PCDHGA1: variants seen among roughly 807,000 people sequenced by gnomAD.
The protein encoded by PCDHGA1 is protocadherin gamma-A1.
In PCDHGA1, 32 loss-of-function variants were observed where a neutral mutation model predicts 58.0. That is an observed-to-expected ratio of 0.55 (90% CI 0.42 to 0.74). The LOEUF (loss-of-function observed/expected upper bound fraction) is 0.74, where lower values mean the gene tolerates loss of function less well. Among genes scored for constraint, PCDHGA1 ranks in the 30% least tolerant of loss-of-function variants. The pLI is 0.00. For synonymous variants in PCDHGA1, 498 were observed against 501.1 expected (o/e 0.99, Z 0.08); for missense variants, 1,205 against 1,182.3 (o/e 1.02, Z -0.28).
At chr5:141,437,249 T>G (rs2097870737) in intron 1 of PCDHGA1, among the ~76,000 whole-genome samples, 1 of 152,240 alleles carries the variant, frequency 6.6e-6, no homozygotes, top group African/African-American at 2.4e-5. Context: ...GGACTTTCCT[T>G]GTCTTTTTAT....
At chr5:141,428,275 G>C in intron 1 of PCDHGA1, 1 of 767,218 alleles carries the variant, frequency 1.3e-6, no homozygotes, top group Non-Finnish European at 2.2e-6. Context: ...TGTGCCCTCT[G>C]ATTCCCAAGC....
Position 141,423,433 on chromosome 5 carries a change from A to G in PCDHGA1, c.2422-71374A>G, listed in dbSNP as rs746170494. ...GGCTTCTGAAGGCGGGTTGGCAGGT[A>G]TGCCCACGTCACATTTTGTAGGCGT... On this transcript the variant is annotated intron_variant, in intron 1 of 3. Coordinates refer to ENST00000517417, the MANE Select transcript of PCDHGA1 (RefSeq NM_018912.3). 3.1e-6 allele frequency: 5 copies of G among 1,614,010 alleles called. No homozygotes were observed. The East Asian group carries it at 8.9e-5, about 29-fold the overall frequency.
chr5:141,399,431 T>C (rs757950073), intron 1 of PCDHGA1: 1 of 1,613,970 alleles, frequency 6.2e-7, no homozygotes, highest in Non-Finnish European at 8.5e-7. Flanking sequence ...ATAAGCGTCA[T>C]CCTACATATC....
Position 141,477,704 on chromosome 5 carries a change from C to T in PCDHGA1, c.2422-17103C>T, listed in dbSNP as rs772195653. 30 of 1,613,968 alleles carry T rather than the reference C, an allele frequency of 1.9e-5. No homozygotes were observed. Among genetic ancestry groups the T allele is most frequent in the Admixed American group, 6.7e-5 (4 of 60,026 alleles). On this transcript the variant is annotated intron_variant, in intron 1 of 3. Transcript: ENST00000517417. This position sits in a 1 kb window ranked among gnomAD's most constrained non-coding sequence, Gnocchi z 4.9. Reference sequence around the variant, plus strand: ...CTTAGTGCCCCTAGACTATGAGGATCGGCGGGAATTTGAATTAACAGCTCA... The same window carrying T: ...CTTAGTGCCCCTAGACTATGAGGATTGGCGGGAATTTGAATTAACAGCTCA...
At position 141,414,606 on chromosome 5, in the gene PCDHGA1, A is replaced by G. The variant is rs760846889; in HGVS notation, c.2422-80201A>G. ...ACGCCAGGGGTGCCTCCATCTTCTCAGTGACAGCGCTGGACCCGGACAGCA... is the reference window on the plus strand; with the variant it reads ...ACGCCAGGGGTGCCTCCATCTTCTCGGTGACAGCGCTGGACCCGGACAGCA... On this transcript the variant is annotated intron_variant, in intron 1 of 3. Coordinates refer to ENST00000517417, the MANE Select transcript of PCDHGA1 (RefSeq NM_018912.3). The G allele has an allele frequency of 1.6e-5, 26 of 1,613,826 alleles. No homozygotes were observed. In the East Asian group the frequency reaches 5.6e-4, roughly 35 times the overall value.
At chr5:141,460,987 A>C (rs201722325) in intron 1 of PCDHGA1, among the ~76,000 whole-genome samples, 1 of 92,990 alleles carries the variant, frequency 1.1e-5, no homozygotes, top group South Asian at 3.4e-4. Context: ...GTGTGTGTAT[A>C]TATATATATG....
intron 1 of PCDHGA1, among the ~76,000 whole-genome samples, chr5:141,459,747 A>G (rs553965181): frequency 3.2e-4 from 48 of 152,318 alleles, no homozygotes; most frequent in African/African-American, 1.1e-3. Flanking sequence ...AATTTTAGCA[A>G]TTCTAGTGGG....
intron 1 of PCDHGA1, chr5:141,371,688 C>A (rs1234825193): frequency 6.2e-7 from 1 of 1,614,070 alleles, no homozygotes. Flanking sequence ...CAATCCACCG[C>A]TCTCCTCCAG....
intron 1 of PCDHGA1, chr5:141,371,291 G>C: frequency 6.2e-7 from 1 of 1,613,976 alleles, no homozygotes; most frequent in Non-Finnish European, 8.5e-7. Context: ...GTAAAACGGG[G>C]GAACTCACCA....
At chr5:141,398,421 G>A in intron 1 of PCDHGA1, 2 of 1,510,606 alleles carry the variant, frequency 1.3e-6, no homozygotes, top group Non-Finnish European at 1.8e-6. Context: ...TATGCGGGAA[G>A]AAGCCAGCTT....
chr5:141,404,992 C>G (rs2094593837), intron 1 of PCDHGA1: 5 of 1,613,876 alleles, frequency 3.1e-6, no homozygotes, highest in Admixed American at 3.3e-5. Context: ...GTCTTCAGAT[C>G]CCTGCAGACC....
chr5:141,363,430 A>G (rs1003624399), intron 1 of PCDHGA1, among the ~76,000 whole-genome samples: 5 of 152,204 alleles, frequency 3.3e-5, no homozygotes, highest in Admixed American at 6.5e-5. Flanking sequence ...GTCTCAACAT[A>G]GAAAGGTCAC....
At chr5:141,339,034 G>A (rs141145650) in intron 1 of PCDHGA1, 1 of 1,596,074 alleles carries the variant, frequency 6.3e-7, no homozygotes, top group Non-Finnish European at 8.6e-7. Context: ...TCCTTTTGGC[G>A]ACCCTGTGGG....
intron 1 of PCDHGA1, chr5:141,389,801 C>T: frequency 6.2e-7 from 1 of 1,613,766 alleles, no homozygotes; most frequent in South Asian, 1.1e-5. Context: ...TCCGCCAGCG[C>T]CTTCTGGTCG....
intron 1 of PCDHGA1, among the ~76,000 whole-genome samples, chr5:141,473,706 G>C (rs1241009670): frequency 6.6e-6 from 1 of 152,186 alleles, no homozygotes; most frequent in African/African-American, 2.4e-5. Context: ...CCTCCAAGTG[G>C]TGCAATGGAA....
chr5:141,383,391 G>C, intron 1 of PCDHGA1: 2 of 1,613,978 alleles, frequency 1.2e-6, no homozygotes, highest in Non-Finnish European at 1.7e-6. Flanking sequence ...ATGTGGGCAC[G>C]AACTCCCTCC....
chr5:141,343,170 C>T (rs1054026930), intron 1 of PCDHGA1: 14 of 420,766 alleles, frequency 3.3e-5, no homozygotes, highest in Non-Finnish European at 4.1e-5. Flanking sequence ...ATATTGTTCA[C>T]CTTAAATCCC....
rs753256077 is a variant in PCDHGA1 at position 141,431,467 on chromosome 5, C to A, written c.2422-63340C>A. On this transcript the variant is annotated intron_variant, in intron 1 of 3. Coordinates refer to ENST00000517417, the MANE Select transcript of PCDHGA1 (RefSeq NM_018912.3). The surrounding 1 kb of genome is among the most constrained non-coding windows in gnomAD (Gnocchi z 4.8). The stretch of plus-strand genomic sequence containing the variant: ...TCCGCGTGATGGTTCTGGATGCGAA[C>A]GACAACGCACCAGCGTTTGCTCAGC... 1.9e-5 allele frequency: 31 copies of A among 1,613,684 alleles called. No homozygotes were observed. The highest frequency in any genetic ancestry group is 3.4e-6 in the Non-Finnish European group (4 of 1,179,964).
Position 141,403,639 on chromosome 5 carries a change from T to C in PCDHGA1, c.2421+70534T>C, listed in dbSNP as rs377402370. On this transcript the variant is annotated intron_variant, in intron 1 of 3. Coordinates refer to ENST00000517417, the MANE Select transcript of PCDHGA1 (RefSeq NM_018912.3). ...GTCGCTCCAGCACAGTGCGCATCCA[T>C]GTGACAGTGTTGGATACAAATGATA... 1.4e-4 allele frequency: 219 copies of C among 1,613,892 alleles called. 1 individual carries two copies. The East Asian group carries it at 4.5e-3, about 33-fold the overall frequency.
Sources: gnomAD v4.1 joint callset for allele counts (sites outside exome capture counted in the v4.1 genomes callset) on GRCh38, gnomAD v4.1.1 for gene constraint, Gnocchi (gnomAD v3.1) non-coding constraint, MANE v1.5 for transcripts, NCBI Gene and HGNC (gene_info 2026-07-23, HGNC 2026-07-21) for gene names.